SIL1: variants seen among roughly 807,000 people sequenced by gnomAD.
SIL1 encodes the protein SIL1 nucleotide exchange factor, also known as nucleotide exchange factor SIL1.
SIL1 carries 40 observed loss-of-function variants against 49.1 expected under a neutral mutation model. The observed-to-expected ratio is 0.81, with a 90% CI of 0.63 to 1.06. The LOEUF is 1.06. Ranked by LOEUF, SIL1 falls within the 50% of genes least tolerant of loss-of-function variation. The pLI, the probability that SIL1 is intolerant of heterozygous loss-of-function variation, is 0.00. For synonymous variants in SIL1, 253 were observed against 250.8 expected (o/e 1.01, Z -0.08); for missense variants, 500 against 572.6 (o/e 0.87, Z 1.29).
intron 7 of SIL1, among the ~76,000 whole-genome samples, chr5:138,993,739 G>T (rs1196245987): frequency 6.6e-6 from 1 of 152,186 alleles, no homozygotes; most frequent in African/African-American, 2.4e-5. Context: ...CTGACAGCCT[G>T]CAAAGAACTG....
At chr5:139,126,759 G>A (rs1750761521) in intron 2 of SIL1, among the ~76,000 whole-genome samples, 1 of 152,226 alleles carries the variant, frequency 6.6e-6, no homozygotes, top group Admixed American at 6.5e-5. Context: ...GAGAGAAGGT[G>A]GAAGCTTGCC....
intron 7 of SIL1, among the ~76,000 whole-genome samples, chr5:138,994,249 T>C (rs1581013503): frequency 6.6e-6 from 1 of 152,066 alleles, no homozygotes; most frequent in South Asian, 2.1e-4. Context: ...ACAAATAACA[T>C]CCAAGAAAAA....
chr5:139,164,116 CA>C (rs397999400), intron 1 of SIL1, among the ~76,000 whole-genome samples: 1,168 of 114,608 alleles, frequency 0.01, 10 homozygotes, highest in African/African-American at 0.03. Context: ...GAGAATGTCT[CA>C]AAAAAAAAAA....
At chr5:139,077,188 T>C (rs1158067852) in intron 3 of SIL1, among the ~76,000 whole-genome samples, 1 of 152,178 alleles carries the variant, frequency 6.6e-6, no homozygotes, top group East Asian at 1.9e-4. Flanking sequence ...CAGGGCTAAT[T>C]CTTATTCTTT....
chr5:139,152,980 G>A (rs747008591), intron 1 of SIL1, among the ~76,000 whole-genome samples: 6 of 152,120 alleles, frequency 3.9e-5, no homozygotes, highest in South Asian at 2.1e-4. Flanking sequence ...CACCACGCCC[G>A]GCTAATTTTG....
At chr5:139,049,850 C>T (rs1027492527) in intron 4 of SIL1, among the ~76,000 whole-genome samples, 1 of 151,464 alleles carries the variant, frequency 6.6e-6, no homozygotes, top group Non-Finnish European at 1.5e-5. Context: ...GTAACACTAA[C>T]CACACTCAAT....
At chr5:139,018,305 G>A (rs1768443112) in intron 7 of SIL1, among the ~76,000 whole-genome samples, 1 of 152,164 alleles carries the variant, frequency 6.6e-6, no homozygotes, top group Non-Finnish European at 1.5e-5. Flanking sequence ...AGCAGGATTA[G>A]CAACAAGAGA....
chr5:139,022,731 C>T (rs778829325), intron 6 of SIL1: 1 of 152,196 alleles, frequency 6.6e-6, no homozygotes, highest in African/African-American at 2.4e-5. Context: ...GGCCCCAGGC[C>T]ATGGACATTT....
intron 7 of SIL1, among the ~76,000 whole-genome samples, chr5:138,999,705 C>A (rs1406463997): frequency 6.6e-6 from 1 of 152,120 alleles, no homozygotes; most frequent in Non-Finnish European, 1.5e-5. Context: ...ATTTTATATA[C>A]TGCCATTTTA....
At chr5:139,158,603 C>T (rs1228384638) in intron 1 of SIL1, among the ~76,000 whole-genome samples, 2 of 151,898 alleles carry the variant, frequency 1.3e-5, no homozygotes, top group Non-Finnish European at 1.5e-5. Context: ...CCTCATTCAT[C>T]GCACCATGAG....
intron 7 of SIL1, among the ~76,000 whole-genome samples, chr5:138,969,639 G>A (rs1767228640): frequency 6.6e-6 from 1 of 152,210 alleles, no homozygotes; most frequent in South Asian, 2.1e-4. Context: ...AGCCACACAG[G>A]GGAGCAACAA....
At chr5:138,990,996 G>A (rs573153131) in intron 7 of SIL1, among the ~76,000 whole-genome samples, 12 of 152,210 alleles carry the variant, frequency 7.9e-5, no homozygotes, top group African/African-American at 1.4e-4. Flanking sequence ...GATTACAGGC[G>A]TTAGCCACCA....
intron 7 of SIL1, among the ~76,000 whole-genome samples, chr5:138,991,596 G>A (rs555550092): frequency 6.6e-6 from 1 of 152,208 alleles, no homozygotes; most frequent in Non-Finnish European, 1.5e-5. Context: ...TGCAAAGCAG[G>A]GCTGGTCATC....
At chr5:139,117,491 G>A (rs1771018884) in intron 3 of SIL1, among the ~76,000 whole-genome samples, 1 of 152,134 alleles carries the variant, frequency 6.6e-6, no homozygotes, top group Admixed American at 6.5e-5. Flanking sequence ...CATTGAAGTG[G>A]CTGTGACCAG....
chr5:138,981,270 T>C (rs1767513238), intron 7 of SIL1, among the ~76,000 whole-genome samples: 1 of 150,980 alleles, frequency 6.6e-6, no homozygotes. Context: ...AAGAAGGAGA[T>C]TTCTTGTGAG....
intron 7 of SIL1, among the ~76,000 whole-genome samples, chr5:138,955,272 C>T (rs1766877462): frequency 6.6e-6 from 1 of 152,172 alleles, no homozygotes; most frequent in African/African-American, 2.4e-5. Context: ...GAGAATAAAC[C>T]TTGTTCAGGG....
chr5:139,120,217 T>G (rs1431230786), intron 3 of SIL1, among the ~76,000 whole-genome samples: 3 of 152,130 alleles, frequency 2.0e-5, no homozygotes, highest in Admixed American at 1.3e-4. Context: ...ACCTTGCCAC[T>G]CCTGAGAACA....
In SIL1 at chr5:139,050,933, T is replaced by C. The variant is rs141804198; in HGVS notation, c.353+5A>G. On this transcript the variant is annotated splice_donor_5th_base_variant and intron_variant, in intron 4 of 9. Coordinates refer to ENST00000394817, the MANE Select transcript of SIL1 (RefSeq NM_022464.5). ...GCCTCCCAGTCCCTAGGGTTGACAC[T>C]GTACCTTTTGCCTTTCAAATTATTT... 4 of 1,612,706 alleles carry C rather than the reference T, an allele frequency of 2.5e-6. No individual in the cohort carries two copies. In the East Asian group the frequency reaches 6.7e-5, roughly 27 times the overall value.
chr5:138,961,663 C>T lies in SIL1; in HGVS notation c.768-9779G>A, dbSNP rs963779646. Among the ~76,000 whole-genome samples, 5 of 152,080 alleles carry T rather than the reference C, an allele frequency of 3.3e-5. No homozygotes were observed. The South Asian group carries it at 1.0e-3, about 32-fold the overall frequency. On this transcript the variant is annotated intron_variant, in intron 7 of 9. Coordinates refer to ENST00000394817, the MANE Select transcript of SIL1 (RefSeq NM_022464.5). ...CTCTATTTGCTCTTGGTTACAGGTC[C>T]CTTTTTCATCTCTAGACAAAATCTC...
Sources: allele counts gnomAD v4.1 joint callset (sites outside exome capture counted in the v4.1 genomes callset), GRCh38; gene constraint gnomAD v4.1.1; transcripts MANE v1.5; gene names NCBI Gene and HGNC (gene_info 2026-07-23, HGNC 2026-07-21).